The following SMOC2 variants were observed in gnomAD, a reference collection of about 807,000 sequenced individuals.
SMOC2 encodes SPARC related modular calcium binding 2.
Under a neutral mutation model 61.4 loss-of-function variants are expected in SMOC2, and 39 were observed. That is an observed-to-expected ratio of 0.64 (90% confidence interval 0.49 to 0.83). SMOC2 has a LOEUF of 0.83. SMOC2 is among the 40% of genes least tolerant of loss of function. The pLI is 0.00. For synonymous variants in SMOC2, 247 were observed against 239.9 expected, an observed-to-expected ratio of 1.03 and a Z score of -0.27; for missense variants, 556 against 592.9, an observed-to-expected ratio of 0.94 and a Z score of 0.65.
chr6:168,653,651 T>A (rs1361899716), intron 11 of SMOC2, among the ~76,000 whole-genome samples: 11 of 129,258 alleles, frequency 8.5e-5, no homozygotes, highest in African/African-American at 3.0e-4. Context: ...TCACCAACCC[T>A]CTACCTGAGC....
intron 1 of SMOC2, among the ~76,000 whole-genome samples, chr6:168,457,934 A>G (rs906738299): frequency 1.3e-5 from 2 of 151,348 alleles, no homozygotes; most frequent in Non-Finnish European, 2.9e-5. Context: ...TCTTCTGGGG[A>G]GGGGGGCAGC....
At chr6:168,560,534 T>C (rs933049709) in intron 7 of SMOC2, among the ~76,000 whole-genome samples, 2 of 144,288 alleles carry the variant, frequency 1.4e-5, no homozygotes, top group East Asian at 2.1e-4. Flanking sequence ...TTGGAGGAGG[T>C]GTCATTTTCC....
chr6:168,495,968 C>T (rs1052813364), intron 1 of SMOC2, among the ~76,000 whole-genome samples: 3 of 152,236 alleles, frequency 2.0e-5, no homozygotes, highest in East Asian at 3.9e-4. Context: ...CATGCATTTC[C>T]TCTCGCCTCC....
chr6:168,554,639 C>T (rs1391376875), intron 7 of SMOC2, among the ~76,000 whole-genome samples: 2 of 152,202 alleles, frequency 1.3e-5, no homozygotes, highest in Admixed American at 6.5e-5. Context: ...GACGTGGGAC[C>T]ACACACAGTC....
chr6:168,577,538 C>A (rs1784833911), intron 7 of SMOC2, among the ~76,000 whole-genome samples: 1 of 152,172 alleles, frequency 6.6e-6, no homozygotes, highest in Non-Finnish European at 1.5e-5. Flanking sequence ...CTCCACATGG[C>A]CTGTCTGCAT....
intron 11 of SMOC2, 51 bp from the exon 12 acceptor site, chr6:168,664,022 AT>A (rs1787587823): frequency 2.7e-6 from 4 of 1,486,730 alleles, no homozygotes; most frequent in African/African-American, 2.8e-5. Context: ...TGAACCTTTC[AT>A]TAAATAATGA....
intron 12 of SMOC2, chr6:168,664,317 G>C: frequency 1.9e-6 from 1 of 520,476 alleles, no homozygotes; most frequent in South Asian, 1.8e-5. Flanking sequence ...CAACTTGTTT[G>C]AAAAAAGTTT....
chr6:168,556,536 C>T (rs1784257356), intron 7 of SMOC2, among the ~76,000 whole-genome samples: 2 of 151,948 alleles, frequency 1.3e-5, no homozygotes, highest in African/African-American at 4.8e-5. Flanking sequence ...TTCCTGCCTC[C>T]TCCAAAGCTC....
chr6:168,589,391 A>T (rs1015151515), intron 7 of SMOC2, among the ~76,000 whole-genome samples: 3 of 152,280 alleles, frequency 2.0e-5, no homozygotes, highest in Non-Finnish European at 2.9e-5. Context: ...AACAACAGCA[A>T]TGACATCCAT....
At chr6:168,610,303 C>T (rs767047352) in intron 9 of SMOC2, among the ~76,000 whole-genome samples, 63 of 152,198 alleles carry the variant, frequency 4.1e-4, no homozygotes, top group Non-Finnish European at 6.5e-4. Context: ...AGCCACGTGA[C>T]GCAAACTGTG....
intron 2 of SMOC2, among the ~76,000 whole-genome samples, chr6:168,512,285 C>T (rs542038866): frequency 2.6e-5 from 4 of 152,216 alleles, no homozygotes; most frequent in East Asian, 3.9e-4. Context: ...CTGTTCTGCA[C>T]GGCGCATGCT....
rs1737923259 is a variant in SMOC2, at chr6:168,525,539, T to C, written c.257-807T>C. On this transcript the variant is annotated intron_variant, in intron 2 of 12. Transcript: ENST00000356284. ...TTTCCACAGTGAGCTTAGATATGCC[T>C]GGAAGTCTAAAGACTTTTCCAGTTT... Among the ~76,000 whole-genome samples, 4 of 152,332 alleles carry C rather than the reference T, an allele frequency of 2.6e-5. No homozygotes were observed. In the South Asian group the frequency reaches 6.2e-4, roughly 24 times the overall value.
chr6:168,560,621 TGCATTCTTGGAGGAG>T (rs1447792997), intron 7 of SMOC2, among the ~76,000 whole-genome samples: 31 of 2,318 alleles, frequency 0.013, no homozygotes, highest in East Asian at 0.053. Flanking sequence ...AGGCTCTCAC[TGCATTCTTGGAGGAG>T]GTGTCATTTT....
At chr6:168,472,497 G>A (rs539673484) in intron 1 of SMOC2, among the ~76,000 whole-genome samples, 87 of 152,084 alleles carry the variant, frequency 5.7e-4, no homozygotes, top group African/African-American at 2.0e-3. Flanking sequence ...AACAAAAAAA[G>A]TTTTTTTAAA....
At chr6:168,655,623 T>C (rs1583191181) in intron 11 of SMOC2, 1 of 339,424 alleles carries the variant, frequency 2.9e-6, no homozygotes, top group Non-Finnish European at 5.9e-6. Flanking sequence ...ACATGTGTGC[T>C]GGATCCCCTC....
intron 9 of SMOC2, among the ~76,000 whole-genome samples, chr6:168,630,446 C>G (rs906320747): frequency 2.0e-5 from 3 of 152,214 alleles, no homozygotes; most frequent in Admixed American, 6.5e-5. Flanking sequence ...ATTGCCTATG[C>G]CTGTCTTTAC....
At chr6:168,639,553 A>G (rs964675403) in intron 9 of SMOC2, among the ~76,000 whole-genome samples, 1 of 152,180 alleles carries the variant, frequency 6.6e-6, no homozygotes, top group Non-Finnish European at 1.5e-5. Context: ...ACAGTAAATT[A>G]TTTTTAACTA....
chr6:168,523,079 A>ATTCTTTTTTTTTTTTTT lies in SMOC2; in HGVS notation c.257-3265_257-3264insCTTTTTTTTTTTTTTTT, dbSNP rs551183247. Reference sequence around the variant, plus strand: ...TTATGTTATTTGTAGTTGTACAGTAATTTTTTTTTTTTTTTTTTTTGAGAC... The same window carrying ATTCTTTTTTTTTTTTTT: ...TTATGTTATTTGTAGTTGTACAGTAATTCTTTTTTTTTTTTTTTTTTTTTTTTTTTTTTTTTTGAGAC... On this transcript the variant is annotated intron_variant, in intron 2 of 12. Coordinates refer to ENST00000356284, the MANE Select transcript of SMOC2 (RefSeq NM_001166412.2). Among the ~76,000 whole-genome samples, 86 of 93,682 alleles carry ATTCTTTTTTTTTTTTTT rather than the reference A, an allele frequency of 9.2e-4. 28 individuals carry two copies. Among genetic ancestry groups the ATTCTTTTTTTTTTTTTT allele is most frequent in the South Asian group, 4.2e-3 (10 of 2,406 alleles). 61.5% of individuals were successfully genotyped at this position (93,682 alleles called of 152,430 possible).
chr6:168,654,307 T>TG (rs1440558986), intron 11 of SMOC2, among the ~76,000 whole-genome samples: 16 of 53,212 alleles, frequency 3.0e-4, no homozygotes, highest in South Asian at 1.3e-3. Flanking sequence ...TCACCAACCC[T>TG]CTACCTGAGC....
Sources: allele counts gnomAD v4.1 joint callset (sites outside exome capture counted in the v4.1 genomes callset), GRCh38; gene constraint gnomAD v4.1.1; transcripts MANE v1.5; gene names NCBI Gene and HGNC (gene_info 2026-07-23, HGNC 2026-07-21).